Variants in FASN observed in about 807,000 individuals in gnomAD.
FASN encodes the protein fatty acid synthase.
In FASN, 50 loss-of-function variants were observed where a neutral mutation model predicts 250.0. The observed-to-expected ratio is 0.20, with a 90% CI of 0.16 to 0.25. The LOEUF is 0.25. Among genes scored for constraint, FASN ranks in the 10% least tolerant of loss-of-function variants. The pLI is 1.00. For synonymous variants in FASN, 1,909 were observed against 1,584.0 expected, an observed-to-expected ratio of 1.21 and a Z score of -4.87; for missense variants, 3,031 against 3,498.5, an observed-to-expected ratio of 0.87 and a Z score of 3.37.
At chr17:82,086,655 C>T (rs1376506356) in intron 21 of FASN, 97 bp from the exon 22 acceptor site, 8 of 882,210 alleles carry the variant, frequency 9.1e-6, no homozygotes, top group African/African-American at 4.9e-5. Flanking sequence ...GGGGCCACCA[C>T]CCCGCTCTGC....
Position 82,083,811 on chromosome 17 carries a change from A to C in FASN, c.5179T>G (p.Ser1727Ala). ...STSFANSRDT[S>A]FEQHVLWHTG... ...TGCCACAGCACATGCTGCTCGAAGG[A>C]TGTGTCCCGGGAGTTGGCGAAGCTG... Residue 1727 changes from serine (S) to alanine (A), a missense_variant, in exon 30 of 43, where the codon TCC (serine) becomes GCC (alanine). Transcript: ENST00000306749. 2 of 1,609,178 alleles carry C rather than the reference A, an allele frequency of 1.2e-6. No homozygotes were observed. The highest frequency in any genetic ancestry group is 1.7e-6 in the Non-Finnish European group (2 of 1,178,694).
chr17:82,084,955 TG>T lies in FASN; in HGVS notation c.4410-3del. The T allele has an allele frequency of 6.4e-7, 1 of 1,556,682 alleles. No individual in the cohort carries two copies. Among genetic ancestry groups the T allele is most frequent in the Non-Finnish European group, 8.7e-7 (1 of 1,151,746 alleles). On this transcript the variant is annotated splice_region_variant and splice_polypyrimidine_tract_variant and intron_variant, in intron 25 of 42. Coordinates refer to ENST00000306749, the MANE Select transcript of FASN (RefSeq NM_004104.5). ...CTGAGGTTGGAGAGCAGCACACACC[TG>T]GGGGCAGAGGCGGGGAGCTCAGGCT...
In FASN at chr17:82,087,137, G is replaced by A. The variant is rs758965860; in HGVS notation, c.3340C>T (p.Leu1114=). 102 of 1,611,906 alleles carry A rather than the reference G, an allele frequency of 6.3e-5. No individual in the cohort carries two copies. Among genetic ancestry groups the A allele is most frequent in the Non-Finnish European group, 8.3e-5 (98 of 1,179,822 alleles). Residue 1114 remains leucine (L), a synonymous_variant, in exon 21 of 43, where the codon CTG becomes TTG. Transcript: ENST00000306749. The part of the protein sequence containing the change: ...RRQQEQQVPI[L]EKFCFTPHTE... ...TGGGGAGTGAAGCAAAACTTCTCCA[G>A]GATGGGCACCTGCTGCTCCTGCTGC...
Position 82,083,187 on chromosome 17 carries a change from G to T in FASN, c.5565+15C>A, listed in dbSNP as rs200544610. ...GAGCCTGGGGTGCCCGAGGCGCCGG[G>T]ACTCCTCCCCTCACCTGCACGACGA... On this transcript the variant is annotated intron_variant, in intron 32 of 42. Coordinates refer to ENST00000306749, the MANE Select transcript of FASN (RefSeq NM_004104.5). 51 of 1,612,138 alleles carry T rather than the reference G, an allele frequency of 3.2e-5. No homozygotes were observed. The East Asian group carries it at 9.8e-4, about 31-fold the overall frequency.
chr17:82,083,741 G>A (rs1290496223), intron 30 of FASN, 31 bp downstream of exon 30: 1 of 1,610,884 alleles, frequency 6.2e-7, no homozygotes, highest in African/African-American at 1.3e-5. Flanking sequence ...GGCTAGGCAG[G>A]AGGCAGGTGG....
Position 82,080,173 on chromosome 17 carries a change from G to A in FASN, c.7113C>T (p.Phe2371=), listed in dbSNP as rs138854181. 122 of 1,613,132 alleles carry A rather than the reference G, an allele frequency of 7.6e-5. No homozygotes were observed. Among genetic ancestry groups the A allele is most frequent in the East Asian group, 4.9e-4 (22 of 44,908 alleles). ...AEAETEAICF[F]VQQFTDMEHN... is the part of the protein sequence containing the mutation. ...GCTCCATGTCCGTGAACTGCTGCACGAAGAAGCATATGGCCTCCGTCTCAG... is the reference window on the plus strand; with the variant it reads ...GCTCCATGTCCGTGAACTGCTGCACAAAGAAGCATATGGCCTCCGTCTCAG... Residue 2371 remains phenylalanine, a synonymous_variant, in exon 41 of 43, where the codon TTC becomes TTT. Coordinates refer to ENST00000306749, the MANE Select transcript of FASN (RefSeq NM_004104.5).
At chr17:82,088,071 C>A (rs2144795943) in intron 17 of FASN, 37 bp from the exon 18 acceptor site, 1 of 1,612,522 alleles carries the variant, frequency 6.2e-7, no homozygotes, top group Non-Finnish European at 8.5e-7. Flanking sequence ...GAGGGCAGCA[C>A]CCGCCCCCCA....
At chr17:82,084,432 AG>A (rs1326047439) in intron 27 of FASN, 48 bp from the exon 28 acceptor site, 1 of 1,586,164 alleles carries the variant, frequency 6.3e-7, no homozygotes, top group Non-Finnish European at 8.6e-7. Context: ...TTCCCTCCCG[AG>A]GGGCTCCCAG....
In FASN at chr17:82,093,742, G is replaced by T. The variant is rs755236060; in HGVS notation, c.310C>A (p.His104Asn). The T allele has an allele frequency of 8.1e-6, 13 of 1,612,676 alleles. No individual in the cohort carries two copies. The highest frequency in any genetic ancestry group is 1.1e-5 in the Non-Finnish European group (13 of 1,179,918). ...CTCACGCCCACCCAGACGCCAGTGTGTGTTCCTCGGAGTGAATCTGGGTTG... is the reference window on the plus strand; with the variant it reads ...CTCACGCCCACCCAGACGCCAGTGTTTGTTCCTCGGAGTGAATCTGGGTTG... ...GINPDSLRGT[H>N]TGVWVGVSGS... The change falls in exon 4 of 43, where the codon CAC (histidine) becomes AAC (asparagine). Residue 104 changes from histidine to asparagine, a missense_variant. Transcript: ENST00000306749.
At position 82,091,697 on chromosome 17, in the gene FASN, G is replaced by A. The variant is rs760902628; in HGVS notation, c.1030-13C>T. On this transcript the variant is annotated splice_polypyrimidine_tract_variant and intron_variant, in intron 8 of 42. Transcript: ENST00000306749. ...GGGACAGCAGCACCTGCGGGGGTAC[G>A]TGGTGGATGGGCAGCCGCCCCACTC... The A allele has an allele frequency of 6.5e-5, 101 of 1,557,972 alleles. No homozygotes were observed. In the Middle Eastern group the frequency reaches 6.7e-4, roughly 10 times the overall value.
In FASN at chr17:82,079,149, C is replaced by T. The variant is rs771048972; in HGVS notation, c.7530G>A (p.Glu2510=). The change falls in exon 43 of 43, where the codon GAG becomes GAA. Residue 2510 remains glutamate, a synonymous_variant. Coordinates refer to ENST00000306749, the MANE Select transcript of FASN (RefSeq NM_004104.5). ...SLAEPRVSVR[E]G ...GGCAGGCGGGGGCACGGGCCTAGCC[C>T]TCCCGCACGCTCACGCGTGGCTCAG... The T allele has an allele frequency of 2.5e-6, 4 of 1,611,678 alleles. No homozygotes were observed. The highest frequency in any genetic ancestry group is 3.4e-6 in the Non-Finnish European group (4 of 1,179,894).
chr17:82,098,214 G>A lies in FASN; in HGVS notation c.-101C>T, dbSNP rs2034336863. ...GAAGCGCGGCGGAGAGGGAGGCCGG[G>A]GCCGCTGCCGTCTCTCTGGCTCCCT... On this transcript the variant is annotated 5_prime_UTR_variant, in exon 1 of 43. Transcript: ENST00000306749. 2.7e-6 allele frequency: 1 copy of A among 368,690 alleles called. No individual in the cohort carries two copies. The highest frequency in any genetic ancestry group is 4.8e-6 in the Non-Finnish European group (1 of 206,616). The allele number at this position is 368,690 out of a possible 1,614,324, so 22.8% of individuals were successfully genotyped here.
At position 82,079,132 on chromosome 17, in the gene FASN, G is replaced by A; in HGVS notation, c.*11C>T. The A allele has an allele frequency of 6.2e-7, 1 of 1,609,076 alleles. No individual in the cohort carries two copies. The highest frequency in any genetic ancestry group is 8.5e-7 in the Non-Finnish European group (1 of 1,179,718). On this transcript the variant is annotated 3_prime_UTR_variant, in exon 43 of 43. Transcript: ENST00000306749. ...GTGGAGTGACCTCCGGTGGCAGGCG[G>A]GGGCACGGGCCTAGCCCTCCCGCAC...
In FASN at chr17:82,090,354, G is replaced by T. The variant is rs1259514287; in HGVS notation, c.1870+21C>A. The stretch of plus-strand genomic sequence containing the variant: ...CAGCCTCCTTTCTTGGAGGTGCTGG[G>T]GGCCCCTCCGGGAGACCTACCCACG... On this transcript the variant is annotated intron_variant, in intron 11 of 42. Coordinates refer to ENST00000306749, the MANE Select transcript of FASN (RefSeq NM_004104.5). 21 of 1,563,638 alleles carry T rather than the reference G, an allele frequency of 1.3e-5. No homozygotes were observed. The East Asian group carries it at 2.3e-4, about 17-fold the overall frequency.
rs374067997 is a variant in FASN, at chr17:82,094,309, T to C, written c.281-538A>G. On this transcript the variant is annotated intron_variant, in intron 3 of 42. Transcript: ENST00000306749. ...ATAACCTTAGTCTTGGGGTGGGGTC[T>C]GGCAGCAGGAAGGGCGCAGGAGAAG... 18 of 195,348 alleles carry C rather than the reference T, an allele frequency of 9.2e-5. No individual in the cohort carries two copies. In the East Asian group the frequency reaches 2.0e-3, roughly 22 times the overall value. The allele number at this position is 195,348 out of a possible 1,614,324, so 12.1% of individuals were successfully genotyped here.
chr17:82,090,850 C>G (rs375895861), intron 10 of FASN, 32 bp downstream of exon 10: 8 of 1,556,592 alleles, frequency 5.1e-6, no homozygotes, highest in South Asian at 1.2e-5. Flanking sequence ...CTGGGGCTGG[C>G]GTTGCTCACA....
intron 1 of FASN, chr17:82,096,696 A>G: frequency 1.8e-6 from 1 of 564,472 alleles, no homozygotes; most frequent in Non-Finnish European, 3.2e-6. Flanking sequence ...CATTCAGTTC[A>G]GGGTATTGGC....
Position 82,086,699 on chromosome 17 carries a change from G to C in FASN, c.3428-141C>G, listed in dbSNP as rs1013640569. 4 of 740,876 alleles carry C rather than the reference G, an allele frequency of 5.4e-6. No individual in the cohort carries two copies. In the South Asian group the frequency reaches 6.3e-5, roughly 12 times the overall value. The allele number at this position is 740,876 out of a possible 1,614,324, so 45.9% of individuals were successfully genotyped here. A position where few individuals can be genotyped will look rare whatever the true frequency, so the allele number is the denominator to read the frequency against. On this transcript the variant is annotated intron_variant, in intron 21 of 42. Transcript: ENST00000306749. ...TGAGAAATAGCTGAGGGTTGAGGAA[G>C]GGGCTGCCCACCACTGGGAGGCTGA... is the stretch of plus-strand genomic sequence containing the variant.
chr17:82,086,902 G>A (rs1007110512), intron 21 of FASN, 148 bp downstream of exon 21: 4 of 832,588 alleles, frequency 4.8e-6, no homozygotes, highest in African/African-American at 1.7e-5. Context: ...GAGGGAGGCC[G>A]CCATCGTGAG....
Sources: allele counts gnomAD v4.1 joint callset, GRCh38; gene constraint gnomAD v4.1.1; transcripts MANE v1.5; gene names NCBI Gene and HGNC (gene_info 2026-07-23, HGNC 2026-07-21).